Variants in NHSL2 observed in about 807,000 individuals in gnomAD.
NHSL2 encodes NHS like 2.
A neutral mutation model predicts 53.4 loss-of-function variants in NHSL2; 27 were observed. The ratio of observed to expected loss-of-function variants is 0.51; its 90% CI spans 0.37 to 0.70. The LOEUF (loss-of-function observed/expected upper bound fraction) is 0.70, where lower values mean the gene tolerates loss of function less well. Ranked by LOEUF, NHSL2 falls within the 30% of genes least tolerant of loss-of-function variation. The probability of loss-of-function intolerance (pLI) is 0.00; values close to 1 mark genes in which losing one functional copy is unlikely to be tolerated. For synonymous variants in NHSL2, 408 were observed against 404.1 expected (o/e 1.01, Z -0.12); for missense variants, 892 against 980.1 (o/e 0.91, Z 1.20).
intron 1 of NHSL2, among the ~76,000 whole-genome samples, chrX:72,019,549 T>A (rs941824551): frequency 8.9e-6 from 1 of 112,207 alleles, no homozygotes; most frequent in Non-Finnish European, 1.9e-5. Context: ...GGGTGCTCAG[T>A]AATTTGTCGA....
intron 1 of NHSL2, among the ~76,000 whole-genome samples, chrX:71,988,692 G>T (rs1456430434): frequency 9.0e-6 from 1 of 111,309 alleles, no homozygotes; most frequent in Admixed American, 9.5e-5. Flanking sequence ...TGGGTTGGGG[G>T]TCTCCTCAGT....
chrX:71,995,288 T>G (rs2042045063), intron 1 of NHSL2, among the ~76,000 whole-genome samples: 1 of 112,286 alleles, frequency 8.9e-6, no homozygotes, highest in Non-Finnish European at 1.9e-5. Context: ...GGATCCTCTA[T>G]GCTCTACTCT....
In NHSL2 at chrX:72,139,738, G is replaced by C; in HGVS notation, c.2190G>C (p.Leu730=). ...CAACACCCACTGTTTCCATGTCCCT[G>C]ACCCTGGGCCACTTACCCCCTCCAA... ...ETPTPTVSMS[L]TLGHLPPPSS... Residue 730 remains leucine (L), a synonymous_variant, in exon 6 of 8, where the codon CTG becomes CTC. Transcript: ENST00000633930. 1.7e-6 allele frequency: 2 copies of C among 1,210,749 alleles called. No individual in the cohort carries two copies. The highest frequency in any genetic ancestry group is 3.5e-5 in the South Asian group (2 of 56,857).
intron 1 of NHSL2, among the ~76,000 whole-genome samples, chrX:72,055,825 A>G (rs147507788): frequency 1.8e-5 from 2 of 112,622 alleles, no homozygotes; most frequent in East Asian, 5.5e-4. Context: ...CCTTGAGACT[A>G]AAAATCTACT....
At chrX:71,992,468 A>G (rs2042031633) in intron 1 of NHSL2, among the ~76,000 whole-genome samples, 1 of 111,702 alleles carries the variant, frequency 9.0e-6, no homozygotes, top group African/African-American at 3.3e-5. Flanking sequence ...GGGGAAAAAG[A>G]TTGACTATGT....
chrX:72,129,851 G>A (rs1386625311), intron 1 of NHSL2: 12 of 1,195,508 alleles, frequency 1.0e-5, no homozygotes, highest in South Asian at 1.8e-5. Flanking sequence ...ATTCGGCCAC[G>A]AGCAGCTCGG....
At chrX:71,993,510 T>G (rs769392527) in intron 1 of NHSL2, among the ~76,000 whole-genome samples, 1 of 111,565 alleles carries the variant, frequency 9.0e-6, no homozygotes, top group African/African-American at 3.3e-5. Context: ...CAAGGAGAGC[T>G]CTTGAGTACC....
chrX:71,969,306 C>CTT (rs775716586), intron 1 of NHSL2, among the ~76,000 whole-genome samples: 39 of 80,828 alleles, frequency 4.8e-4, no homozygotes, highest in East Asian at 1.1e-3. Flanking sequence ...TTCTTTTTTT[C>CTT]TTTTTTTTTT....
chrX:72,079,563 G>A (rs902271874), intron 1 of NHSL2, among the ~76,000 whole-genome samples: 3 of 112,553 alleles, frequency 2.7e-5, no homozygotes, highest in African/African-American at 9.7e-5. Context: ...CTGTAGAGTA[G>A]GCCATTGCTA....
chrX:71,983,838 C>T (rs1212946012), intron 1 of NHSL2, among the ~76,000 whole-genome samples: 8 of 111,283 alleles, frequency 7.2e-5, no homozygotes, highest in Non-Finnish European at 1.5e-4. Context: ...TGAGGATGAC[C>T]GGAGGTCACT....
At chrX:72,138,271 G>A (rs994556240) in intron 5 of NHSL2, among the ~76,000 whole-genome samples, 170 bp from the exon 6 acceptor site, 20 of 112,263 alleles carry the variant, frequency 1.8e-4, no homozygotes, top group Non-Finnish European at 3.4e-4. Flanking sequence ...TGGGGTGATG[G>A]GCAAGGACCC....
At chrX:72,009,831 A>G (rs1243911165) in intron 1 of NHSL2, among the ~76,000 whole-genome samples, 2 of 112,765 alleles carry the variant, frequency 1.8e-5, no homozygotes, top group African/African-American at 3.2e-5. Flanking sequence ...TAGGTGTCCA[A>G]TAAATTGTGA....
At chrX:71,957,346 G>C (rs772900194) in intron 1 of NHSL2, among the ~76,000 whole-genome samples, 40 of 112,198 alleles carry the variant, frequency 3.6e-4, no homozygotes, top group Non-Finnish European at 6.0e-4. Context: ...GGCTCACTGC[G>C]AGCTCCGCCT....
chrX:71,912,866 G>GT (rs1276368075), intron 1 of NHSL2, among the ~76,000 whole-genome samples: 18 of 111,723 alleles, frequency 1.6e-4, no homozygotes, highest in Admixed American at 1.5e-3. Context: ...GTTAAGGACA[G>GT]TTTTTTCAAC....
At chrX:72,130,493 G>C in intron 1 of NHSL2, 1 of 1,210,758 alleles carries the variant, frequency 8.3e-7, no homozygotes, top group Middle Eastern at 2.3e-4. Context: ...CGTGCCTCTT[G>C]GTCTTCATCT....
At position 72,150,641 on chromosome X, in the gene NHSL2, T is replaced by C. The variant is rs2042505027; in HGVS notation, c.*7067T>C. The C allele has an allele frequency of 8.9e-6, 1 of 112,432 alleles. No individual in the cohort carries two copies. The highest frequency in any genetic ancestry group is 3.2e-5 in the African/African-American group (1 of 30,926). 9.3% of individuals were successfully genotyped at this position (112,432 alleles called of 1,213,427 possible). On this transcript the variant is annotated 3_prime_UTR_variant, in exon 8 of 8. Transcript: ENST00000633930. ...CTTTTCCAGAACATTCTTTGCCTAATGTTCCTTAGTGTGGCTCTCTCTTTA... is the reference window on the plus strand; with the variant it reads ...CTTTTCCAGAACATTCTTTGCCTAACGTTCCTTAGTGTGGCTCTCTCTTTA...
intron 1 of NHSL2, among the ~76,000 whole-genome samples, chrX:72,099,170 T>A (rs1237542595): frequency 8.9e-6 from 1 of 111,834 alleles, no homozygotes; most frequent in African/African-American, 3.2e-5. Flanking sequence ...AGAAATATAA[T>A]GTGGGCCACA....
intron 1 of NHSL2, among the ~76,000 whole-genome samples, chrX:71,920,698 C>T (rs746699108): frequency 1.3e-4 from 14 of 111,787 alleles, no homozygotes; most frequent in Non-Finnish European, 1.7e-4. Flanking sequence ...GGATAATGAG[C>T]ATGAACTATG....
chrX:71,926,507 GCA>G (rs1303708249), intron 1 of NHSL2, among the ~76,000 whole-genome samples: 2 of 110,396 alleles, frequency 1.8e-5, no homozygotes. Flanking sequence ...GTGTGTGTGT[GCA>G]CACACACTCA....
Sources: allele counts gnomAD v4.1 joint callset (sites outside exome capture counted in the v4.1 genomes callset), GRCh38; gene constraint gnomAD v4.1.1; transcripts MANE v1.5; gene names NCBI Gene and HGNC (gene_info 2026-07-23, HGNC 2026-07-21).